FERMT1: variants seen among roughly 807,000 people sequenced by gnomAD.
The protein encoded by FERMT1 is fermitin family homolog 1.
A neutral mutation model predicts 85.3 loss-of-function variants in FERMT1; 60 were observed. The ratio of observed to expected loss-of-function variants is 0.70; its 90% CI spans 0.57 to 0.87. FERMT1 has a LOEUF of 0.87. Among genes scored for constraint, FERMT1 ranks in the 40% least tolerant of loss-of-function variants. The probability of loss-of-function intolerance (pLI) is 0.00; values close to 1 mark genes in which losing one functional copy is unlikely to be tolerated. For synonymous variants in FERMT1, 275 were observed against 301.1 expected, an observed-to-expected ratio of 0.91 and a Z score of 0.90; for missense variants, 701 against 818.9, an observed-to-expected ratio of 0.86 and a Z score of 1.76.
intron 6 of FERMT1, among the ~76,000 whole-genome samples, chr20:6,107,111 G>A (rs746682089): frequency 2.0e-5 from 3 of 147,646 alleles, no homozygotes; most frequent in Non-Finnish European, 4.4e-5. Context: ...CAAAAGAATC[G>A]CTTGAACCCG....
At position 6,075,196 on chromosome 20, in the gene FERMT1, A is replaced by G. The variant is rs1376649067; in HGVS notation, c.*1977T>C. 6.6e-6 allele frequency: 1 copy of G among 152,306 alleles called. No homozygotes were observed. The highest frequency in any genetic ancestry group is 1.5e-5 in the Non-Finnish European group (1 of 68,032). 9.4% of individuals were successfully genotyped at this position (152,306 alleles called of 1,614,324 possible). A position where few individuals can be genotyped will look rare whatever the true frequency, so the allele number is the denominator to read the frequency against. ...GTTTTCATGGAAATGTCAGACAACTATGAAAAGCTAAGGAAGCATGTTGAA... is the reference window on the plus strand; with the variant it reads ...GTTTTCATGGAAATGTCAGACAACTGTGAAAAGCTAAGGAAGCATGTTGAA... On this transcript the variant is annotated 3_prime_UTR_variant, in exon 15 of 15. Transcript: ENST00000217289.
At position 6,080,310 on chromosome 20, in the gene FERMT1, TTG is replaced by T. The variant is rs141032092; in HGVS notation, c.1719-735_1719-734del. Among the ~76,000 whole-genome samples, 6 of 151,760 alleles carry T rather than the reference TTG, an allele frequency of 4.0e-5. No homozygotes were observed. The South Asian group carries it at 1.3e-3, about 32-fold the overall frequency. On this transcript the variant is annotated intron_variant, in intron 13 of 14. Coordinates refer to ENST00000217289, the MANE Select transcript of FERMT1 (RefSeq NM_017671.5). ...AGTGAGATAAGAAATCCTTCAGATT[TTG>T]TGTGTGTGTGTGTCTTGTAGAGACA...
At chr20:6,096,792 T>C (rs955921647) in intron 8 of FERMT1, 110 bp downstream of exon 8, 1 of 1,016,732 alleles carries the variant, frequency 9.8e-7, no homozygotes, top group Non-Finnish European at 1.4e-6. Flanking sequence ...CTTTTTTTTT[T>C]TTTTTTTTTC....
chr20:6,085,330 C>T (rs377406744), intron 11 of FERMT1, 43 bp from the exon 12 acceptor site: 19 of 1,560,446 alleles, frequency 1.2e-5, no homozygotes, highest in Admixed American at 1.7e-5. Flanking sequence ...AAGTGCAAAG[C>T]CCCCTGCTGC....
chr20:6,090,384 T>C (rs949478232), intron 9 of FERMT1, among the ~76,000 whole-genome samples: 3 of 152,158 alleles, frequency 2.0e-5, no homozygotes, highest in Non-Finnish European at 4.4e-5. Flanking sequence ...GGACAATTTT[T>C]TTAAACATGT....
intron 13 of FERMT1, among the ~76,000 whole-genome samples, chr20:6,081,197 G>A (rs560851128): frequency 6.6e-6 from 1 of 151,954 alleles, no homozygotes; most frequent in East Asian, 1.9e-4. Context: ...GATCACATGA[G>A]CCCAGGAGTT....
intron 8 of FERMT1, 78 bp from the exon 9 acceptor site, chr20:6,095,066 G>A: frequency 2.5e-6 from 2 of 800,026 alleles, no homozygotes; most frequent in Non-Finnish European, 4.5e-6. Context: ...TGTCTAATAT[G>A]GCAGTCCCTT....
chr20:6,096,940 C>T lies in FERMT1; in HGVS notation c.1051G>A (p.Glu351Lys). Residue 351 changes from glutamate (E) to lysine (K), a missense_variant, in exon 8 of 15, where the codon GAA becomes AAA. Physicochemically the swap from Glu to Lys is moderately conservative, Grantham distance 56. Transcript: ENST00000217289. ...DEIEAALSNL[E>K]VTLEGGKADS... ...GCTTTTCCACCTTCTAGGGTTACTT[C>T]CAAATTAGAAAGCGCCGCTTCTATT... The T allele has an allele frequency of 1.9e-6, 3 of 1,614,040 alleles. No individual in the cohort carries two copies. The highest frequency in any genetic ancestry group is 2.5e-6 in the Non-Finnish European group (3 of 1,179,944).
Position 6,084,135 on chromosome 20 carries a change from C to G in FERMT1, c.1623G>C (p.Gln541His). 1 of 1,613,440 alleles carries G rather than the reference C, an allele frequency of 6.2e-7. No individual in the cohort carries two copies. The highest frequency in any genetic ancestry group is 1.3e-5 in the African/African-American group (1 of 75,058). The change falls in exon 13 of 15, where the codon CAG becomes CAC. Residue 541 changes from glutamine to histidine, a missense_variant. Coordinates refer to ENST00000217289, the MANE Select transcript of FERMT1 (RefSeq NM_017671.5). ...QLAARILEAH[Q>H]NVAQMPLVEA... ...CGACCAGGGGCATCTGGGCCACGTT[C>G]TGGTGCGCCTCCAGGATCCGGGCGG...
rs6038353 is a variant in FERMT1, at chr20:6,094,278, C to T, written c.1139+661G>A. 2.6e-5 allele frequency: 4 copies of T among 152,360 alleles called. No individual in the cohort carries two copies. The Middle Eastern group carries it at 0.01, about 389-fold the overall frequency. The allele number at this position is 152,360 out of a possible 1,614,324, so 9.4% of individuals were successfully genotyped here. On this transcript the variant is annotated intron_variant, in intron 9 of 14. Coordinates refer to ENST00000217289, the MANE Select transcript of FERMT1 (RefSeq NM_017671.5). ...TTCAAAGAGCCTTGTTTCTTTCAAC[C>T]TAACATACGCTGGCACCATTGCAGA...
chr20:6,083,111 C>T (rs1982046413), intron 13 of FERMT1, among the ~76,000 whole-genome samples: 6 of 152,182 alleles, frequency 3.9e-5, no homozygotes, highest in Admixed American at 3.9e-4. Flanking sequence ...ACTTGCTGTA[C>T]TGTAGGATTG....
At chr20:6,111,868 CT>C (rs11338566) in intron 4 of FERMT1, among the ~76,000 whole-genome samples, 45,809 of 142,484 alleles carry the variant, frequency 0.32, 7,347 homozygotes, top group East Asian at 0.54. Context: ...TTTTTCTTTT[CT>C]TTTTTTTTTT....
chr20:6,090,363 A>G (rs568689151), intron 9 of FERMT1, among the ~76,000 whole-genome samples: 76 of 152,166 alleles, frequency 5.0e-4, no homozygotes, highest in African/African-American at 1.7e-3. Context: ...ATGAGCCACC[A>G]CGCCCAGCTG....
intron 13 of FERMT1, among the ~76,000 whole-genome samples, 154 bp downstream of exon 13, chr20:6,083,886 T>G (rs938287829): frequency 3.3e-5 from 5 of 152,196 alleles, no homozygotes; most frequent in Admixed American, 6.5e-5. Flanking sequence ...AAAATGTTTA[T>G]GAGCAGCCCA....
chr20:6,115,712 T>C, intron 3 of FERMT1, 99 bp downstream of exon 3: 1 of 903,624 alleles, frequency 1.1e-6, no homozygotes, highest in Non-Finnish European at 1.8e-6. Context: ...AGGTGAGTGT[T>C]CTGTAGCAAT....
intron 10 of FERMT1, among the ~76,000 whole-genome samples, chr20:6,088,626 CTTTT>C (rs11475498): frequency 3.3e-5 from 4 of 121,172 alleles, no homozygotes; most frequent in Non-Finnish European, 5.2e-5. Context: ...CTGCTCACCT[CTTTT>C]TTTTTTTTTT....
intron 6 of FERMT1, among the ~76,000 whole-genome samples, chr20:6,101,991 T>C (rs1478349755): frequency 6.6e-6 from 1 of 152,142 alleles, no homozygotes; most frequent in African/African-American, 2.4e-5. Flanking sequence ...TTAATTGTGG[T>C]AAAATATATG....
intron 13 of FERMT1, among the ~76,000 whole-genome samples, chr20:6,079,881 C>A (rs528279079): frequency 1.3e-5 from 2 of 152,118 alleles, no homozygotes; most frequent in Non-Finnish European, 2.9e-5. Flanking sequence ...CCCTTCTAGG[C>A]ATGGGAGATA....
At position 6,104,665 on chromosome 20, in the gene FERMT1, C is replaced by T. The variant is rs1432496194; in HGVS notation, c.849+2867G>A. The stretch of plus-strand genomic sequence containing the variant: ...TTTTTAGGCTATGAAGAGGGAGCTC[C>T]TCACCAATTAAGCGGGCAGAGGCTG... On this transcript the variant is annotated intron_variant, in intron 6 of 14. Coordinates refer to ENST00000217289, the MANE Select transcript of FERMT1 (RefSeq NM_017671.5). The surrounding 1 kb of genome is among the most constrained non-coding windows in gnomAD (Gnocchi z 4.2). Among the ~76,000 whole-genome samples the T allele has an allele frequency of 6.6e-6, 1 of 152,196 alleles. No individual in the cohort carries two copies. Among genetic ancestry groups the T allele is most frequent in the Non-Finnish European group, 1.5e-5 (1 of 68,040 alleles).
Sources: allele counts gnomAD v4.1 joint callset (sites outside exome capture counted in the v4.1 genomes callset), GRCh38; gene constraint gnomAD v4.1.1; non-coding constraint Gnocchi (gnomAD v3.1); transcripts MANE v1.5; gene names NCBI Gene and HGNC (gene_info 2026-07-23, HGNC 2026-07-21).